The following SLC31A1 variants were observed in gnomAD, a reference collection of about 807,000 sequenced individuals.
The protein encoded by SLC31A1 is high affinity copper uptake protein 1.
In SLC31A1, 5 loss-of-function variants were observed where a neutral mutation model predicts 17.2. The observed-to-expected ratio is 0.29, with a 90% CI of 0.15 to 0.61. SLC31A1 has a LOEUF of 0.61. SLC31A1 is among the 20% of genes least tolerant of loss of function. The pLI is 0.86. For synonymous variants in SLC31A1, 76 were observed against 78.8 expected (o/e 0.96, Z 0.19); for missense variants, 161 against 241.4 (o/e 0.67, Z 2.21).
At chr9:113,245,718 C>A (rs1831569685) in intron 1 of SLC31A1, among the ~76,000 whole-genome samples, 1 of 151,672 alleles carries the variant, frequency 6.6e-6, no homozygotes, top group South Asian at 2.1e-4. Context: ...GCAGCCATGA[C>A]CTCCCAAGAT....
intron 1 of SLC31A1, among the ~76,000 whole-genome samples, chr9:113,239,828 C>T (rs1831501641): frequency 6.6e-6 from 1 of 152,238 alleles, no homozygotes; most frequent in African/African-American, 2.4e-5. Flanking sequence ...AAGTGATTCA[C>T]CCTTCTTGGC....
At chr9:113,248,718 A>G (rs1156607411) in intron 1 of SLC31A1, among the ~76,000 whole-genome samples, 3 of 151,926 alleles carry the variant, frequency 2.0e-5, no homozygotes, top group African/African-American at 7.3e-5. Flanking sequence ...ACCTCAAGTG[A>G]TCCTCCCACC....
At chr9:113,254,079 C>A (rs1252410747) in intron 1 of SLC31A1, among the ~76,000 whole-genome samples, 5 of 151,456 alleles carry the variant, frequency 3.3e-5, no homozygotes, top group Admixed American at 6.6e-5. Context: ...CTCAGCCACC[C>A]GAGTAACTGG....
At chr9:113,259,272 G>A (rs137943255) in intron 4 of SLC31A1, among the ~76,000 whole-genome samples, 4 of 152,282 alleles carry the variant, frequency 2.6e-5, no homozygotes, top group Admixed American at 1.3e-4. Flanking sequence ...ATTGATTTCT[G>A]TGTTCTGTCT....
chr9:113,241,616 G>T (rs991672846), intron 1 of SLC31A1, among the ~76,000 whole-genome samples: 3 of 152,162 alleles, frequency 2.0e-5, no homozygotes, highest in Non-Finnish European at 4.4e-5. Context: ...GAACACTCAG[G>T]TTTCAATTTC....
intron 1 of SLC31A1, among the ~76,000 whole-genome samples, chr9:113,247,670 T>C (rs899224993): frequency 6.6e-6 from 1 of 152,190 alleles, no homozygotes; most frequent in Non-Finnish European, 1.5e-5. Flanking sequence ...AGGTTGACTG[T>C]GAAACACTCT....
chr9:113,252,463 T>C (rs1831665913), intron 1 of SLC31A1, among the ~76,000 whole-genome samples: 1 of 152,172 alleles, frequency 6.6e-6, no homozygotes, highest in Admixed American at 6.5e-5. Context: ...GTCCGGGTAC[T>C]TTTTGTATTT....
chr9:113,228,839 TTGA>T (rs1194451688), intron 1 of SLC31A1, among the ~76,000 whole-genome samples: 2 of 152,180 alleles, frequency 1.3e-5, no homozygotes, highest in African/African-American at 2.4e-5. Context: ...GGAGTTGGAT[TTGA>T]TGATACTTTT....
intron 1 of SLC31A1, among the ~76,000 whole-genome samples, chr9:113,231,112 C>T (rs1369451415): frequency 2.0e-5 from 3 of 152,160 alleles, no homozygotes. Context: ...AGCCTTGACA[C>T]ACCTATCAAG....
Position 113,257,189 on chromosome 9 carries a change from A to G in SLC31A1, c.202+4A>G. 6.2e-7 allele frequency: 1 copy of G among 1,612,484 alleles called. No individual in the cohort carries two copies. ...TTGGTGATCAATACAGCTGGAGGTGAGTAAGCCATTAGGTAGTGTTGGAAG... is the reference window on the plus strand; with the variant it reads ...TTGGTGATCAATACAGCTGGAGGTGGGTAAGCCATTAGGTAGTGTTGGAAG... On this transcript the variant is annotated splice_donor_region_variant and intron_variant, in intron 3 of 4. Transcript: ENST00000374212.
chr9:113,230,616 A>C (rs1564204441), intron 1 of SLC31A1, among the ~76,000 whole-genome samples: 1 of 152,214 alleles, frequency 6.6e-6, no homozygotes, highest in Non-Finnish European at 1.5e-5. Flanking sequence ...ACAGTGTGAT[A>C]TTTTAATACG....
intron 1 of SLC31A1, among the ~76,000 whole-genome samples, chr9:113,235,562 C>G (rs1259045353): frequency 6.6e-6 from 1 of 152,194 alleles, no homozygotes; most frequent in Non-Finnish European, 1.5e-5. Context: ...ATAGTACATT[C>G]TTTCTGCTTC....
intron 1 of SLC31A1, among the ~76,000 whole-genome samples, chr9:113,231,842 C>T (rs562543514): frequency 3.3e-4 from 50 of 152,074 alleles, no homozygotes; most frequent in African/African-American, 1.1e-3. Flanking sequence ...ATGGGCCATA[C>T]GTTAAGTACT....
At position 113,240,869 on chromosome 9, in the gene SLC31A1, G is replaced by C. The variant is rs1831513808; in HGVS notation, c.-35-15245G>C. Among the ~76,000 whole-genome samples the C allele has an allele frequency of 2.0e-5, 3 of 152,106 alleles. No individual in the cohort carries two copies. The South Asian group carries it at 6.2e-4, about 32-fold the overall frequency. ...GTTTGAGACCAGCCTGGCCAACATG[G>C]TGAAACCCCATCTCTACTAAAAATA... On this transcript the variant is annotated intron_variant, in intron 1 of 4. Coordinates refer to ENST00000374212, the MANE Select transcript of SLC31A1 (RefSeq NM_001859.4).
intron 1 of SLC31A1, among the ~76,000 whole-genome samples, chr9:113,233,962 G>A (rs181477812): frequency 5.6e-4 from 85 of 152,126 alleles, no homozygotes; most frequent in African/African-American, 1.9e-3. Flanking sequence ...ACAGTGTATT[G>A]TTGTTGACTA....
rs1564222278 is a variant in SLC31A1 at position 113,260,502 on chromosome 9, AT to A, written c.*31del. The A allele has an allele frequency of 6.3e-7, 1 of 1,592,396 alleles. No individual in the cohort carries two copies. Among genetic ancestry groups the A allele is most frequent in the Non-Finnish European group, 8.6e-7 (1 of 1,165,406 alleles). On this transcript the variant is annotated 3_prime_UTR_variant, in exon 5 of 5. Transcript: ENST00000374212. ...CAAACTCTATGGCGTGGCCTTATCG[AT>A]TGCAGTGGGAAGTTGTTGAAGACTT...
intron 1 of SLC31A1, among the ~76,000 whole-genome samples, chr9:113,225,689 A>T (rs1831332212): frequency 6.6e-6 from 1 of 152,204 alleles, no homozygotes; most frequent in African/African-American, 2.4e-5. Context: ...CCATACTCAT[A>T]AGAGTCTTTG....
chr9:113,257,660 G>A (rs1014514581), intron 3 of SLC31A1, among the ~76,000 whole-genome samples: 2 of 151,682 alleles, frequency 1.3e-5, no homozygotes, highest in Admixed American at 6.6e-5. Context: ...GCTAATTTTT[G>A]TATTTTTAAT....
At chr9:113,253,113 C>T (rs530648596) in intron 1 of SLC31A1, among the ~76,000 whole-genome samples, 36 of 152,108 alleles carry the variant, frequency 2.4e-4, no homozygotes, top group Admixed American at 1.6e-3. Context: ...GCCACCATGC[C>T]CGGCTAATTT....
Sources: gnomAD v4.1 joint callset for allele counts (sites outside exome capture counted in the v4.1 genomes callset) on GRCh38, gnomAD v4.1.1 for gene constraint, MANE v1.5 for transcripts, NCBI Gene and HGNC (gene_info 2026-07-23, HGNC 2026-07-21) for gene names.